Variants in ATP2A3 observed in about 807,000 individuals in gnomAD.
The protein encoded by ATP2A3 is sarcoplasmic/endoplasmic reticulum calcium ATPase 3.
Under a neutral mutation model 106.8 loss-of-function variants are expected in ATP2A3, and 61 were observed. That is an observed-to-expected ratio of 0.57 (90% CI 0.46 to 0.71). The LOEUF (loss-of-function observed/expected upper bound fraction) is 0.71. ATP2A3 is among the 30% of genes least tolerant of loss of function. ATP2A3 has a pLI of 0.00. For synonymous variants in ATP2A3, 611 were observed against 609.3 expected (o/e 1.00, Z -0.04); for missense variants, 1,201 against 1,423.5 (o/e 0.84, Z 2.52).
In ATP2A3 at chr17:3,953,942, G is replaced by A. The variant is rs1028583208; in HGVS notation, c.119-232C>T. On this transcript the variant is annotated intron_variant, in intron 1 of 20. Coordinates refer to ENST00000397041, the MANE Select transcript of ATP2A3 (RefSeq NM_005173.4). This position sits in a 1 kb window ranked among gnomAD's most constrained non-coding sequence, Gnocchi z 5.1. ...GATTGAGGAAGATCTAGGGTGACTT[G>A]GCTCATCGTGGGATGAGTACGGAGC... Among the ~76,000 whole-genome samples the A allele has an allele frequency of 6.6e-6, 1 of 152,040 alleles. No individual in the cohort carries two copies. Among genetic ancestry groups the A allele is most frequent in the Non-Finnish European group, 1.5e-5 (1 of 67,978 alleles).
chr17:3,943,539 G>T lies in ATP2A3; in HGVS notation c.1288-17C>A, dbSNP rs745431377. On this transcript the variant is annotated splice_polypyrimidine_tract_variant and intron_variant, in intron 10 of 20. Coordinates refer to ENST00000397041, the MANE Select transcript of ATP2A3 (RefSeq NM_005173.4). ...ACCCTTGGCCTGGCAAGGACCCAGG[G>T]GATAGGGAGTGAGGGGCAGGCAGCC... 33 of 1,613,820 alleles carry T rather than the reference G, an allele frequency of 2.0e-5. No individual in the cohort carries two copies. In the Admixed American group the frequency reaches 5.5e-4, roughly 27 times the overall value.
In ATP2A3 at chr17:3,953,659, G is replaced by A. The variant is rs574320652; in HGVS notation, c.136+34C>T. On this transcript the variant is annotated intron_variant, in intron 2 of 20. Coordinates refer to ENST00000397041, the MANE Select transcript of ATP2A3 (RefSeq NM_005173.4). This position sits in a 1 kb window ranked among gnomAD's most constrained non-coding sequence, Gnocchi z 5.1. ...AGAGAACGACCCAGGGATGCTGCCCGCGGCCTAGAGGTCCATCCCGGTGCC... is the reference window on the plus strand; with the variant it reads ...AGAGAACGACCCAGGGATGCTGCCCACGGCCTAGAGGTCCATCCCGGTGCC... 3.0e-5 allele frequency: 46 copies of A among 1,559,142 alleles called. No homozygotes were observed. The highest frequency in any genetic ancestry group is 1.7e-4 in the Middle Eastern group (1 of 6,028).
chr17:3,943,794 G>A (rs542140928), intron 10 of ATP2A3, among the ~76,000 whole-genome samples: 2 of 152,166 alleles, frequency 1.3e-5, no homozygotes, highest in East Asian at 1.9e-4. Flanking sequence ...CTCCTTCACC[G>A]GTTTCTGCTG....
In ATP2A3 at chr17:3,929,272, G is replaced by A. The variant is rs557447215; in HGVS notation, c.2862+56C>T. 57 of 1,465,590 alleles carry A rather than the reference G, an allele frequency of 3.9e-5. No homozygotes were observed. The South Asian group carries it at 6.3e-4, about 16-fold the overall frequency. The allele number at this position is 1,465,590 out of a possible 1,614,324, so 90.8% of individuals were successfully genotyped here. A position where few individuals can be genotyped will look rare whatever the true frequency, so the allele number is the denominator to read the frequency against. On this transcript the variant is annotated intron_variant, in intron 19 of 20. Coordinates refer to ENST00000397041, the MANE Select transcript of ATP2A3 (RefSeq NM_005173.4). The surrounding 1 kb of genome is among the most constrained non-coding windows in gnomAD (Gnocchi z 4.3). ...GGGGGCCAGAGAGGTCCAGTGACCA[G>A]CCCAGGGCCTGTGATGTCCAGGGAC...
At chr17:3,939,112 AGCCATGACTGT>A (rs2053600938) in intron 14 of ATP2A3, among the ~76,000 whole-genome samples, 1 of 152,076 alleles carries the variant, frequency 6.6e-6, no homozygotes, top group South Asian at 2.1e-4. Context: ...GGCTTCAGTG[AGCCATGACTGT>A]GCCACTGCAT....
At chr17:3,927,277 G>A (rs1406164537) in intron 20 of ATP2A3, 24 of 985,460 alleles carry the variant, frequency 2.4e-5, no homozygotes, top group South Asian at 4.7e-5. Context: ...AGGCTTTTCC[G>A]TGCTGGCTGA....
chr17:3,960,987 C>T (rs1252053962), intron 1 of ATP2A3, among the ~76,000 whole-genome samples: 2 of 152,184 alleles, frequency 1.3e-5, no homozygotes, highest in African/African-American at 4.8e-5. Context: ...AGCCGCACGC[C>T]GAAATGCCAT....
chr17:3,944,451 C>A (rs1242310880), intron 10 of ATP2A3, among the ~76,000 whole-genome samples: 1 of 152,294 alleles, frequency 6.6e-6, no homozygotes, highest in African/African-American at 2.4e-5. Flanking sequence ...CTCTTCCCCC[C>A]ACAGGTTTCC....
At chr17:3,958,479 T>A (rs2054911559) in intron 1 of ATP2A3, among the ~76,000 whole-genome samples, 1 of 152,030 alleles carries the variant, frequency 6.6e-6, no homozygotes, top group African/African-American at 2.4e-5. Flanking sequence ...AAAGACCAAC[T>A]TTAGCACGGG....
chr17:3,926,921 G>A lies in ATP2A3; in HGVS notation c.2981-1480C>T, dbSNP rs767280092. 119 of 985,298 alleles carry A rather than the reference G, an allele frequency of 1.2e-4. No individual in the cohort carries two copies. The highest frequency in any genetic ancestry group is 1.4e-4 in the Non-Finnish European group (113 of 829,944). 61.0% of individuals were successfully genotyped at this position (985,298 alleles called of 1,614,324 possible). A position where few individuals can be genotyped will look rare whatever the true frequency, so the allele number is the denominator to read the frequency against. Reference sequence around the variant, plus strand: ...CTCCATGGTTGACACAGTCCGCACCGTGCTTACACTCCTCCCGTGCTTCCC... The same window carrying A: ...CTCCATGGTTGACACAGTCCGCACCATGCTTACACTCCTCCCGTGCTTCCC... On this transcript the variant is annotated intron_variant, in intron 20 of 20. Coordinates refer to ENST00000397041, the MANE Select transcript of ATP2A3 (RefSeq NM_005173.4). This position sits in a 1 kb window ranked among gnomAD's most constrained non-coding sequence, Gnocchi z 4.6.
In ATP2A3 at chr17:3,943,441, T is replaced by C. The variant is rs1423513756; in HGVS notation, c.1369A>G (p.Thr457Ala). 11 of 1,614,010 alleles carry C rather than the reference T, an allele frequency of 6.8e-6. No individual in the cohort carries two copies. Among genetic ancestry groups the C allele is most frequent in the Non-Finnish European group, 9.3e-6 (11 of 1,179,990 alleles). Residue 457 changes from threonine to alanine, a missense_variant, in exon 11 of 21, where the codon ACC becomes GCC. Physicochemically the swap from Thr to Ala is moderately conservative, Grantham distance 58. This residue lies in a region of ATP2A3 where 935 missense variants were observed against 1,176.7 expected (regional missense o/e 0.79). Coordinates refer to ENST00000397041, the MANE Select transcript of ATP2A3 (RefSeq NM_005173.4). The stretch of plus-strand genomic sequence containing the variant: ...ACCCGGGACAGAGCCTGCAGGTCGG[T>C]GTCGAACACGTTCATCTTCTCCACC... The part of the protein sequence containing the change: ...CLVEKMNVFD[T>A]DLQALSRVER...
At chr17:3,933,473 C>G (rs2053235429) in intron 17 of ATP2A3, among the ~76,000 whole-genome samples, 2 of 151,120 alleles carry the variant, frequency 1.3e-5, no homozygotes, top group South Asian at 4.2e-4. Flanking sequence ...TGCCGTGGCT[C>G]ACGCCTGTGA....
intron 1 of ATP2A3, among the ~76,000 whole-genome samples, chr17:3,956,571 A>G (rs2054794067): frequency 6.6e-6 from 1 of 152,182 alleles, no homozygotes; most frequent in African/African-American, 2.4e-5. Flanking sequence ...TTAAATGTAA[A>G]TAGCCAAGCG....
intron 10 of ATP2A3, 66 bp from the exon 11 acceptor site, chr17:3,943,588 C>G (rs919561890): frequency 6.2e-7 from 1 of 1,603,586 alleles, no homozygotes; most frequent in African/African-American, 1.4e-5. Flanking sequence ...CCCAGCCTCA[C>G]TCACTCCTTG....
chr17:3,928,862 T>A lies in ATP2A3; in HGVS notation c.2863-82A>T. On this transcript the variant is annotated intron_variant, in intron 19 of 20. Transcript: ENST00000397041. The surrounding 1 kb of genome is among the most constrained non-coding windows in gnomAD (Gnocchi z 6.1). ...CAGCCATCTGCTGGCCTTATCCACC[T>A]GGGCTCTGATGGACTCTTCATGAGC... The A allele has an allele frequency of 9.4e-7, 1 of 1,066,930 alleles. No individual in the cohort carries two copies. Among genetic ancestry groups the A allele is most frequent in the Non-Finnish European group, 1.4e-6 (1 of 718,618 alleles). The allele number at this position is 1,066,930 out of a possible 1,614,324, so 66.1% of individuals were successfully genotyped here.
chr17:3,945,247 G>T, intron 8 of ATP2A3, 99 bp from the exon 9 acceptor site: 1 of 1,187,246 alleles, frequency 8.4e-7, no homozygotes, highest in South Asian at 1.4e-5. Flanking sequence ...CCCCCTGCCC[G>T]ACCGAGGGCC....
chr17:3,937,197 G>A, intron 15 of ATP2A3: 1 of 609,606 alleles, frequency 1.6e-6, no homozygotes, highest in East Asian at 2.9e-5. Context: ...ACCTCCGTGG[G>A]TGCTGGGGTG....
rs1304568590 is a variant in ATP2A3 at position 3,926,981 on chromosome 17, T to G, written c.2981-1540A>C. On this transcript the variant is annotated intron_variant, in intron 20 of 20. Transcript: ENST00000397041. This position sits in a 1 kb window ranked among gnomAD's most constrained non-coding sequence, Gnocchi z 4.6. ...GAGGACAATGTCCAGGGTCTCTACC[T>G]TGGCACTCAAGGCCCTTGCCCCTGC... is the stretch of plus-strand genomic sequence containing the variant. The G allele has an allele frequency of 4.1e-6, 4 of 985,478 alleles. No individual in the cohort carries two copies. Among genetic ancestry groups the G allele is most frequent in the Non-Finnish European group, 1.2e-6 (1 of 829,934 alleles). 61.0% of individuals were successfully genotyped at this position (985,478 alleles called of 1,614,324 possible).
In ATP2A3 at chr17:3,947,662, T is replaced by G; in HGVS notation, c.824A>C (p.Asn275Thr). The change falls in exon 8 of 21, where the codon AAC (asparagine) becomes ACC (threonine). Residue 275 changes from asparagine (N) to threonine (T), a missense_variant. Coordinates refer to ENST00000397041, the MANE Select transcript of ATP2A3 (RefSeq NM_005173.4). The surrounding 1 kb of genome is among the most constrained non-coding windows in gnomAD (Gnocchi z 7.7). ...SVICVAVWVI[N>T]IGHFADPAHG... is the part of the protein sequence containing the mutation. ...GGCCGGGTCGGCGAAGTGGCCGATG[T>G]TGATGACCCACACGGCCACGCAGAT... 6.2e-7 allele frequency: 1 copy of G among 1,612,342 alleles called. No individual in the cohort carries two copies. The highest frequency in any genetic ancestry group is 8.5e-7 in the Non-Finnish European group (1 of 1,179,880).
Sources: allele counts gnomAD v4.1 joint callset (sites outside exome capture counted in the v4.1 genomes callset), GRCh38; gene constraint gnomAD v4.1.1; regional missense constraint gnomAD v4.1.1; non-coding constraint Gnocchi (gnomAD v3.1); transcripts MANE v1.5; gene names NCBI Gene and HGNC (gene_info 2026-07-23, HGNC 2026-07-21).